TCF25: variants seen among roughly 807,000 people sequenced by gnomAD.
TCF25 encodes TCF25 ribosome quality control complex subunit, also known as ribosome quality control complex subunit TCF25.
A neutral mutation model predicts 83.1 loss-of-function variants in TCF25; 41 were observed. That is an observed-to-expected ratio of 0.49 (90% CI 0.38 to 0.64). The LOEUF is 0.64. Among genes scored for constraint, TCF25 ranks in the 30% least tolerant of loss-of-function variants. The pLI is 0.00. For missense variants in TCF25, 979 were observed against 914.5 expected (o/e 1.07, Z -0.91); for synonymous variants, 458 against 365.0 (o/e 1.25, Z -2.90).
At chr16:89,876,178 C>A (rs1291112043) in intron 1 of TCF25, among the ~76,000 whole-genome samples, 3 of 152,104 alleles carry the variant, frequency 2.0e-5, no homozygotes, top group Admixed American at 1.3e-4. Flanking sequence ...GGATGAATGA[C>A]TGCTTATCGT....
At position 89,887,722 on chromosome 16, in the gene TCF25, G is replaced by A; in HGVS notation, c.614+5G>A. ...GGCAATCCTGGGGGAGCAAAGGTAAGGTCCACAGTGAGCTGCATTCTCACA... is the reference window on the plus strand; with the variant it reads ...GGCAATCCTGGGGGAGCAAAGGTAAAGTCCACAGTGAGCTGCATTCTCACA... On this transcript the variant is annotated splice_donor_5th_base_variant and intron_variant, in intron 5 of 17. Transcript: ENST00000263346. 2 of 1,571,572 alleles carry A rather than the reference G, an allele frequency of 1.3e-6. No homozygotes were observed. The highest frequency in any genetic ancestry group is 1.2e-5 in the South Asian group (1 of 84,330).
At chr16:89,909,383 C>T (rs529323086) in intron 16 of TCF25, 2 of 305,114 alleles carry the variant, frequency 6.6e-6, no homozygotes, top group Non-Finnish European at 1.3e-5. Flanking sequence ...TGGTGCCGCA[C>T]ACCTGTAGTC....
intron 1 of TCF25, among the ~76,000 whole-genome samples, chr16:89,879,885 G>A (rs1309538708): frequency 2.0e-5 from 3 of 148,886 alleles, no homozygotes; most frequent in Admixed American, 6.8e-5. Context: ...GTGCACAGAT[G>A]GGCTTCGGAG....
intron 11 of TCF25, among the ~76,000 whole-genome samples, chr16:89,899,672 G>C (rs907204890): frequency 2.0e-5 from 3 of 151,828 alleles, no homozygotes; most frequent in Admixed American, 2.0e-4. Flanking sequence ...AGGTTGCGGT[G>C]AGCCGAGATC....
chr16:89,883,943 C>CGTG (rs1269045856), intron 2 of TCF25: 115 of 186,896 alleles, frequency 6.2e-4, no homozygotes, highest in African/African-American at 2.4e-3. Context: ...GTCAGGTTAA[C>CGTG]GTGGGATGGG....
At chr16:89,892,930 G>A (rs1225097271) in intron 6 of TCF25, among the ~76,000 whole-genome samples, 2 of 152,200 alleles carry the variant, frequency 1.3e-5, no homozygotes, top group Non-Finnish European at 2.9e-5. Flanking sequence ...TCCCACGGCC[G>A]CTTCTCCTGC....
rs1441252926 is a variant in TCF25, at chr16:89,885,981, C to T, written c.548+15C>T. On this transcript the variant is annotated intron_variant, in intron 4 of 17. Transcript: ENST00000263346. ...GTGGAGCACAGGTGTGGCCCCCGCC[C>T]TTCTCTGCGGCTGCCCTTCTCTGCG... is the stretch of plus-strand genomic sequence containing the variant. The T allele has an allele frequency of 1.2e-6, 2 of 1,601,000 alleles. No homozygotes were observed. The highest frequency in any genetic ancestry group is 1.7e-6 in the Non-Finnish European group (2 of 1,172,774).
chr16:89,906,859 C>T (rs753250511), intron 15 of TCF25, among the ~76,000 whole-genome samples: 6 of 152,204 alleles, frequency 3.9e-5, no homozygotes, highest in Admixed American at 1.3e-4. Flanking sequence ...AGTGGCAGCA[C>T]GTGGCACTGT....
intron 1 of TCF25, 54 bp from the exon 2 acceptor site, chr16:89,883,297 T>G: frequency 1.2e-4 from 187 of 1,589,632 alleles, no homozygotes; most frequent in Middle Eastern, 1.7e-4. Context: ...TATCTCAGCA[T>G]GAGCGTTCAC....
chr16:89,899,596 T>C (rs2044156199), intron 11 of TCF25, among the ~76,000 whole-genome samples: 1 of 151,956 alleles, frequency 6.6e-6, no homozygotes, highest in African/African-American at 2.4e-5. Context: ...GGCGTGGTGG[T>C]GCATGCCTGT....
Position 89,892,397 on chromosome 16 carries a change from G to T in TCF25, c.697+122G>T, listed in dbSNP as rs572074191. ...TGCTGGGGGTGGAGGGCGGCGGGGG[G>T]GTGTGTTCTGTGCACTGGCCTGCGC... is the stretch of plus-strand genomic sequence containing the variant. On this transcript the variant is annotated intron_variant, in intron 6 of 17. Coordinates refer to ENST00000263346, the MANE Select transcript of TCF25 (RefSeq NM_014972.3). 8.4e-5 allele frequency: 95 copies of T among 1,124,524 alleles called. 2 individuals carry two copies. In the African/African-American group the frequency reaches 1.1e-3, roughly 13 times the overall value. The allele number at this position is 1,124,524 out of a possible 1,614,324, so 69.7% of individuals were successfully genotyped here.
Position 89,907,179 on chromosome 16 carries a change from C to T in TCF25, c.1720-64C>T, listed in dbSNP as rs2044864062. Reference sequence around the variant, plus strand: ...TGCTGGAGTCGACAGAAGGACTCTGCTGGGAGAGGTAGAGGCCCCCTGGCA... The same window carrying T: ...TGCTGGAGTCGACAGAAGGACTCTGTTGGGAGAGGTAGAGGCCCCCTGGCA... On this transcript the variant is annotated intron_variant, in intron 15 of 17. Coordinates refer to ENST00000263346, the MANE Select transcript of TCF25 (RefSeq NM_014972.3). The T allele has an allele frequency of 5.2e-6, 8 of 1,526,788 alleles. No homozygotes were observed. In the Admixed American group the frequency reaches 1.2e-4, roughly 22 times the overall value. The allele number at this position is 1,526,788 out of a possible 1,614,324, so 94.6% of individuals were successfully genotyped here.
Position 89,875,427 on chromosome 16 carries a change from C to T in TCF25, c.192+1568C>T, listed in dbSNP as rs144082590. Reference sequence around the variant, plus strand: ...TGTTCTTTAACTTCTTTAATTTCTGCGTGCTGAAAGATACTGGAGCCACTT... The same window carrying T: ...TGTTCTTTAACTTCTTTAATTTCTGTGTGCTGAAAGATACTGGAGCCACTT... On this transcript the variant is annotated intron_variant, in intron 1 of 17. Coordinates refer to ENST00000263346, the MANE Select transcript of TCF25 (RefSeq NM_014972.3). 2.1e-3 allele frequency among the ~76,000 whole-genome samples: 313 copies of T among 150,980 alleles called. 1 individual carries two copies. Among genetic ancestry groups the T allele is most frequent in the African/African-American group, 7.4e-3 (305 of 41,084 alleles).
intron 11 of TCF25, among the ~76,000 whole-genome samples, chr16:89,900,320 A>G (rs2044220470): frequency 1.5e-5 from 2 of 135,374 alleles, no homozygotes; most frequent in South Asian, 5.0e-4. Context: ...AATTTTCCAC[A>G]TTGAGAGCAC....
At chr16:89,886,183 T>G in intron 4 of TCF25, 3 of 528,152 alleles carry the variant, frequency 5.7e-6, no homozygotes, top group South Asian at 4.8e-5. Context: ...ATCCCAGCAC[T>G]TTGGGAGGCC....
intron 5 of TCF25, chr16:89,889,633 C>T (rs1232835722): frequency 2.6e-5 from 4 of 155,844 alleles, no homozygotes; most frequent in South Asian, 1.9e-4. Flanking sequence ...TCACCACAAC[C>T]TCCGCCTCCC....
At chr16:89,910,974 G>T in intron 17 of TCF25, 106 bp from the exon 18 acceptor site, 1 of 1,485,118 alleles carries the variant, frequency 6.7e-7, no homozygotes, top group Non-Finnish European at 9.1e-7. Flanking sequence ...AGGGTCCGGT[G>T]CTGGGGCAAG....
chr16:89,907,105 C>T (rs1003221751), intron 15 of TCF25, 138 bp from the exon 16 acceptor site: 19 of 862,806 alleles, frequency 2.2e-5, no homozygotes, highest in Non-Finnish European at 3.4e-5. Flanking sequence ...AAAGCACAGC[C>T]GTTTCTGTCA....
chr16:89,874,196 C>G (rs2041980219), intron 1 of TCF25, among the ~76,000 whole-genome samples: 1 of 151,930 alleles, frequency 6.6e-6, no homozygotes, highest in Non-Finnish European at 1.5e-5. Flanking sequence ...GGTGCGGGGC[C>G]TTGATGCCAA....
Sources: allele counts gnomAD v4.1 joint callset (sites outside exome capture counted in the v4.1 genomes callset), GRCh38; gene constraint gnomAD v4.1.1; transcripts MANE v1.5; gene names NCBI Gene and HGNC (gene_info 2026-07-23, HGNC 2026-07-21).